NAPA: variants seen among roughly 807,000 people sequenced by gnomAD.
The protein encoded by NAPA is NSF attachment protein alpha.
In NAPA, 18 loss-of-function variants were observed where a neutral mutation model predicts 48.0. The ratio of observed to expected loss-of-function variants is 0.38; its 90% confidence interval spans 0.26 to 0.56. NAPA has a LOEUF of 0.56. Ranked by LOEUF, NAPA falls within the 20% of genes least tolerant of loss-of-function variation. The pLI is 0.77. For synonymous variants in NAPA, 152 were observed against 149.9 expected (o/e 1.01, Z -0.10); for missense variants, 315 against 385.0 (o/e 0.82, Z 1.52).
chr19:47,505,364 C>A (rs1968672990), intron 1 of NAPA: 1 of 152,210 alleles, frequency 6.6e-6, no homozygotes, highest in Non-Finnish European at 1.5e-5. Context: ...CCAACCCCAG[C>A]TGTGGAGGGG....
In NAPA at chr19:47,500,666, C is replaced by T. The variant is rs751362492; in HGVS notation, c.262G>A (p.Ala88Thr). ...KHDAATCFVDAGNAFKKADPQ... is the reference protein window; with the variant it reads ...KHDAATCFVDTGNAFKKADPQ... ...TCGGCTTTCTTGAATGCGTTGCCAGCGTCCACAAAGCAGGTGGCTGCGTCG... is the reference window on the plus strand; with the variant it reads ...TCGGCTTTCTTGAATGCGTTGCCAGTGTCCACAAAGCAGGTGGCTGCGTCG... The change falls in exon 3 of 11, where the codon GCT becomes ACT. Residue 88 changes from alanine (A) to threonine (T), a missense_variant. Physicochemically the swap from Ala to Thr is moderately conservative, Grantham distance 58. This residue lies in a region of NAPA where 173 missense variants were observed against 213.5 expected (regional missense o/e 0.81). Transcript: ENST00000263354. 7.4e-6 allele frequency: 12 copies of T among 1,611,194 alleles called. No individual in the cohort carries two copies. The highest frequency in any genetic ancestry group is 1.0e-5 in the Non-Finnish European group (12 of 1,178,726).
chr19:47,504,642 T>C (rs1185177380), intron 1 of NAPA, among the ~76,000 whole-genome samples: 2 of 151,950 alleles, frequency 1.3e-5, no homozygotes, highest in South Asian at 2.1e-4. Flanking sequence ...AAAAAATATA[T>C]ACATATATAC....
At position 47,493,358 on chromosome 19, in the gene NAPA, AAGAG is replaced by A; in HGVS notation, c.420+54_420+57del. The A allele has an allele frequency of 6.3e-7, 1 of 1,588,360 alleles. No individual in the cohort carries two copies. Among genetic ancestry groups the A allele is most frequent in the Non-Finnish European group, 8.6e-7 (1 of 1,158,006 alleles). On this transcript the variant is annotated intron_variant, in intron 5 of 10. Coordinates refer to ENST00000263354, the MANE Select transcript of NAPA (RefSeq NM_003827.4). The surrounding 1 kb of genome is among the most constrained non-coding windows in gnomAD (Gnocchi z 6.4). ...ACCAGAGGACTCCCCTGGTGGGAAG[AAGAG>A]AGAGCAGCACTGGTCCTGGCTGCCA...
At chr19:47,500,799 T>C (rs562454084) in intron 2 of NAPA, 50 bp from the exon 3 acceptor site, 2 of 1,415,660 alleles carry the variant, frequency 1.4e-6, no homozygotes, top group African/African-American at 1.4e-5. Context: ...CTCCACACTT[T>C]ATGAAGCCAC....
intron 8 of NAPA, 110 bp from the exon 9 acceptor site, chr19:47,490,966 T>C (rs1302778399): frequency 4.6e-6 from 4 of 874,868 alleles, no homozygotes; most frequent in South Asian, 1.6e-5. Context: ...AGTCAGCTCT[T>C]GCACCCCTCC....
chr19:47,493,755 C>A lies in NAPA; in HGVS notation c.343-262G>T. ...TCCAGGGCCTTAGCCTAATTCCATC[C>A]CATCCACGAGGGCACAGATGGTGTG... On this transcript the variant is annotated intron_variant, in intron 4 of 10. Coordinates refer to ENST00000263354, the MANE Select transcript of NAPA (RefSeq NM_003827.4). This position sits in a 1 kb window ranked among gnomAD's most constrained non-coding sequence, Gnocchi z 6.4. 1 of 489,046 alleles carries A rather than the reference C, an allele frequency of 2.0e-6. No individual in the cohort carries two copies. The highest frequency in any genetic ancestry group is 2.6e-5 in the South Asian group (1 of 39,146). 30.3% of individuals were successfully genotyped at this position (489,046 alleles called of 1,614,324 possible).
chr19:47,495,083 G>A (rs955568173), intron 4 of NAPA: 2 of 174,466 alleles, frequency 1.1e-5, no homozygotes, highest in African/African-American at 4.8e-5. Flanking sequence ...GCTCACTGCA[G>A]CCTCAACTTC....
chr19:47,513,007 G>A (rs55720931), intron 1 of NAPA, among the ~76,000 whole-genome samples: 3,619 of 152,018 alleles, frequency 0.024, 116 homozygotes, highest in African/African-American at 0.083. Context: ...GCTTCTGAGT[G>A]GCCACCACAC....
Position 47,500,742 on chromosome 19 carries a change from T to C in NAPA, c.186A>G (p.Gly62=). 1 of 1,604,438 alleles carries C rather than the reference T, an allele frequency of 6.2e-7. No homozygotes were observed. Among genetic ancestry groups the C allele is most frequent in the Non-Finnish European group, 8.5e-7 (1 of 1,175,314 alleles). Residue 62 remains glycine (G), a synonymous_variant, in exon 3 of 11, where the codon GGA becomes GGG. Transcript: ENST00000263354. ...FKMAKNWSAA[G]NAFCQAAQLH... ...GCTGTGCAGCCTGGCAGAACGCGTT[T>C]CCAGCAGCTGGAACAGAAGAGAAGG... is the stretch of plus-strand genomic sequence containing the variant.
At chr19:47,502,954 G>A (rs1968612206) in intron 2 of NAPA, among the ~76,000 whole-genome samples, 1 of 152,184 alleles carries the variant, frequency 6.6e-6, no homozygotes, top group Admixed American at 6.5e-5. Context: ...CTGTAAAATA[G>A]GGATATTTAT....
intron 1 of NAPA, among the ~76,000 whole-genome samples, chr19:47,504,501 T>C (rs1345807192): frequency 6.6e-6 from 1 of 150,864 alleles, no homozygotes; most frequent in African/African-American, 2.4e-5. Flanking sequence ...AAAAACCTAG[T>C]AACAGCATTT....
At chr19:47,513,655 C>G (rs1968846562) in intron 1 of NAPA, among the ~76,000 whole-genome samples, 1 of 151,896 alleles carries the variant, frequency 6.6e-6, no homozygotes, top group South Asian at 2.1e-4. Flanking sequence ...CTCTTCTCAG[C>G]ATGTCTCTGT....
chr19:47,509,603 C>T (rs1419853834), intron 1 of NAPA, among the ~76,000 whole-genome samples: 1 of 152,196 alleles, frequency 6.6e-6, no homozygotes. Context: ...AGGACCGATT[C>T]CAGGCACGCT....
At position 47,489,791 on chromosome 19, in the gene NAPA, G is replaced by A. The variant is rs149869494; in HGVS notation, c.736-30C>T. 4.8e-4 allele frequency: 777 copies of A among 1,612,248 alleles called. 1 individual carries two copies. In the Middle Eastern group the frequency reaches 5.1e-3, roughly 11 times the overall value. On this transcript the variant is annotated intron_variant, in intron 9 of 10. Transcript: ENST00000263354. ...AAGCAAATGGCAGAGAGGGGTCAGGGGCCTATGCTGACCTGAGGTCTGGCC... is the reference window on the plus strand; with the variant it reads ...AAGCAAATGGCAGAGAGGGGTCAGGAGCCTATGCTGACCTGAGGTCTGGCC...
rs1429669693 is a variant in NAPA at position 47,506,417 on chromosome 19, C to T, written c.99-2915G>A. On this transcript the variant is annotated intron_variant, in intron 1 of 10. Coordinates refer to ENST00000263354, the MANE Select transcript of NAPA (RefSeq NM_003827.4). The surrounding 1 kb of genome is among the most constrained non-coding windows in gnomAD (Gnocchi z 4.0). ...TGGCTGCAAAAAACCCTCAGAAGGA[C>T]CTTCTCTGGAATGTTCTCTTAAAGG... Among the ~76,000 whole-genome samples, 1 of 152,154 alleles carries T rather than the reference C, an allele frequency of 6.6e-6. No individual in the cohort carries two copies. The highest frequency in any genetic ancestry group is 1.9e-4 in the East Asian group (1 of 5,194).
chr19:47,497,007 G>C, intron 3 of NAPA: 1 of 328,262 alleles, frequency 3.0e-6, no homozygotes, highest in South Asian at 2.3e-5. Context: ...AAAGGGGGCA[G>C]ATGAGGAGGA....
chr19:47,506,003 T>C lies in NAPA; in HGVS notation c.99-2501A>G, dbSNP rs1378031890. 6.7e-6 allele frequency among the ~76,000 whole-genome samples: 1 copy of C among 149,428 alleles called. No homozygotes were observed. The highest frequency in any genetic ancestry group is 2.5e-5 in the African/African-American group (1 of 40,626). The stretch of plus-strand genomic sequence containing the variant: ...TTGTTTGGAGTGACTTCTTTTTTTT[T>C]TTTTTTTTTTTGAGATGGAGTTTCG... On this transcript the variant is annotated intron_variant, in intron 1 of 10. Coordinates refer to ENST00000263354, the MANE Select transcript of NAPA (RefSeq NM_003827.4). This position sits in a 1 kb window ranked among gnomAD's most constrained non-coding sequence, Gnocchi z 4.0.
chr19:47,507,846 G>A (rs1400956250), intron 1 of NAPA, among the ~76,000 whole-genome samples: 3 of 152,184 alleles, frequency 2.0e-5, no homozygotes, highest in East Asian at 3.9e-4. Flanking sequence ...CAGAGAGGGC[G>A]GAGGGCTTGT....
At chr19:47,514,707 A>T (rs1968871730) in intron 1 of NAPA, 136 bp downstream of exon 1, 1 of 789,952 alleles carries the variant, frequency 1.3e-6, no homozygotes, top group Non-Finnish European at 2.1e-6. Context: ...CTGCCGCCTC[A>T]GGCCATGTCA....
Sources: gnomAD v4.1 joint callset for allele counts (sites outside exome capture counted in the v4.1 genomes callset) on GRCh38, gnomAD v4.1.1 for gene constraint, gnomAD v4.1.1 regional missense constraint, Gnocchi (gnomAD v3.1) non-coding constraint, MANE v1.5 for transcripts, NCBI Gene and HGNC (gene_info 2026-07-23, HGNC 2026-07-21) for gene names.